The following PTPRD variants were observed in gnomAD, a reference collection of about 807,000 sequenced individuals.
The protein encoded by PTPRD is protein tyrosine phosphatase receptor type D.
A neutral mutation model predicts 214.5 loss-of-function variants in PTPRD; 34 were observed. The ratio of observed to expected loss-of-function variants is 0.16; its 90% CI spans 0.12 to 0.21. The LOEUF is 0.21. Ranked by LOEUF, PTPRD falls within the 10% of genes least tolerant of loss-of-function variation. The pLI is 1.00. For synonymous variants in PTPRD, 1,128 were observed against 845.7 expected (o/e 1.33, Z -5.79); for missense variants, 2,545 against 2,398.7 (o/e 1.06, Z -1.27).
intron 7 of PTPRD, among the ~76,000 whole-genome samples, chr9:9,698,767 T>C (rs1239139753): frequency 1.3e-5 from 2 of 152,138 alleles, no homozygotes; most frequent in African/African-American, 4.8e-5. Context: ...TAATGGAGTA[T>C]CCATAAGTCT....
intron 11 of PTPRD, among the ~76,000 whole-genome samples, chr9:8,941,056 G>T (rs1712612894): frequency 6.6e-6 from 1 of 152,056 alleles, no homozygotes; most frequent in Admixed American, 6.5e-5. Flanking sequence ...AGGAACTCCT[G>T]ATAAACCCAT....
chr9:8,654,436 A>G (rs552840650), intron 12 of PTPRD, among the ~76,000 whole-genome samples: 1 of 152,304 alleles, frequency 6.6e-6, no homozygotes, highest in South Asian at 2.1e-4. Context: ...AAGTTTATGG[A>G]GTAAACGACG....
chr9:8,623,808 GGTCT>G lies in PTPRD; in HGVS notation c.352+9505_352+9508del, dbSNP rs145496538. Among the ~76,000 whole-genome samples, 555 of 151,712 alleles carry G rather than the reference GGTCT, an allele frequency of 3.7e-3. 3 individuals are homozygous for G. The highest frequency in any genetic ancestry group is 0.013 in the African/African-American group (534 of 41,408). ...ATAGTGAAGTTAGGATTTGAACTCG[GGTCT>G]GTCTGTTTGCTGAACCTACACCCAT... On this transcript the variant is annotated intron_variant, in intron 14 of 45. Transcript: ENST00000381196.
intron 8 of PTPRD, among the ~76,000 whole-genome samples, chr9:9,566,454 T>A (rs2084566789): frequency 6.6e-6 from 1 of 152,010 alleles, no homozygotes; most frequent in African/African-American, 2.4e-5. Context: ...GCTTTTCGAT[T>A]AAACTTGTGC....
At chr9:10,590,931 C>T in intron 2 of PTPRD, among the ~76,000 whole-genome samples, 1 of 150,834 alleles carries the variant, frequency 6.6e-6, no homozygotes. Context: ...AAATATATTA[C>T]ACTGTATATA....
chr9:8,528,814 A>G (rs772368301), intron 14 of PTPRD, 35 bp from the exon 15 acceptor site: 6 of 1,596,102 alleles, frequency 3.8e-6, no homozygotes, highest in Non-Finnish European at 5.1e-6. Flanking sequence ...CATTCAGTTA[A>G]TAAGTCAGAT....
chr9:8,806,195 G>C (rs2096675704), intron 11 of PTPRD, among the ~76,000 whole-genome samples: 1 of 146,042 alleles, frequency 6.8e-6, no homozygotes. Flanking sequence ...AAAGTGCTGG[G>C]ATTACAGGCA....
chr9:9,986,912 A>G (rs1481896637), intron 4 of PTPRD, among the ~76,000 whole-genome samples: 1 of 149,810 alleles, frequency 6.7e-6, no homozygotes, highest in Non-Finnish European at 1.5e-5. Flanking sequence ...TTTTACTGTA[A>G]TTAAAAGATA....
At chr9:8,323,997 C>T (rs535573432) in intron 44 of PTPRD, among the ~76,000 whole-genome samples, 6 of 152,238 alleles carry the variant, frequency 3.9e-5, no homozygotes, top group Admixed American at 2.0e-4. Flanking sequence ...CCTCACCCTT[C>T]AGAAACCACC....
chr9:8,775,150 A>T (rs1189787627), intron 11 of PTPRD, among the ~76,000 whole-genome samples: 2 of 152,214 alleles, frequency 1.3e-5, no homozygotes, highest in African/African-American at 4.8e-5. Flanking sequence ...TTTAAAATAA[A>T]ATACATCATT....
intron 7 of PTPRD, among the ~76,000 whole-genome samples, chr9:9,706,256 T>G (rs2097603672): frequency 6.6e-6 from 1 of 152,132 alleles, no homozygotes; most frequent in Non-Finnish European, 1.5e-5. Context: ...ATTATGTATT[T>G]TACATTAAAA....
chr9:9,089,838 A>T (rs1409993499), intron 10 of PTPRD, among the ~76,000 whole-genome samples: 1 of 152,198 alleles, frequency 6.6e-6, no homozygotes, highest in Non-Finnish European at 1.5e-5. Flanking sequence ...AGCAGAAGGT[A>T]AAAAAAGTAG....
chr9:9,595,779 T>A (rs575034627), intron 7 of PTPRD, among the ~76,000 whole-genome samples: 2 of 151,678 alleles, frequency 1.3e-5, no homozygotes, highest in African/African-American at 2.4e-5. Context: ...ACAATGGACT[T>A]TGAGGACTCA....
At chr9:8,319,211 G>A (rs1017765349) in intron 45 of PTPRD, among the ~76,000 whole-genome samples, 1 of 152,146 alleles carries the variant, frequency 6.6e-6, no homozygotes, top group East Asian at 1.9e-4. Context: ...GCCTTTTGCA[G>A]AACATAAACT....
intron 9 of PTPRD, among the ~76,000 whole-genome samples, chr9:9,360,526 T>C (rs934923398): frequency 9.3e-5 from 14 of 151,092 alleles, no homozygotes; most frequent in Non-Finnish European, 1.6e-4. Context: ...CATATTTATT[T>C]ACATCTCTGA....
chr9:9,876,804 T>C (rs1327948304), intron 5 of PTPRD, among the ~76,000 whole-genome samples: 1 of 152,196 alleles, frequency 6.6e-6, no homozygotes, highest in African/African-American at 2.4e-5. Flanking sequence ...AAATTCAAAA[T>C]AATGACGGCA....
intron 2 of PTPRD, among the ~76,000 whole-genome samples, chr9:10,447,986 C>T (rs73408163): frequency 0.024 from 3,703 of 151,976 alleles, 167 homozygotes; most frequent in African/African-American, 0.076. Flanking sequence ...CCATTATAAT[C>T]ACTGTGTGTG....
intron 11 of PTPRD, among the ~76,000 whole-genome samples, chr9:8,871,408 T>C (rs2098296780): frequency 1.3e-5 from 2 of 152,160 alleles, no homozygotes; most frequent in African/African-American, 4.8e-5. Context: ...TAAGATTCAA[T>C]GGAGTAAATT....
In PTPRD at chr9:8,314,348, G is replaced by A. The variant is rs1448049245; in HGVS notation, c.*3526C>T. On this transcript the variant is annotated 3_prime_UTR_variant, in exon 46 of 46. Transcript: ENST00000381196. ...AGACTTCTTTCGCCACCAATGTAAC[G>A]AAGTAAGAAAATAAAAAGCACGCCT... The A allele has an allele frequency of 4.4e-6, 1 of 227,632 alleles. No individual in the cohort carries two copies. Among genetic ancestry groups the A allele is most frequent in the African/African-American group, 2.2e-5 (1 of 44,982 alleles). The allele number at this position is 227,632 out of a possible 1,614,324, so 14.1% of individuals were successfully genotyped here.
Sources: allele counts gnomAD v4.1 joint callset (sites outside exome capture counted in the v4.1 genomes callset), GRCh38; gene constraint gnomAD v4.1.1; transcripts MANE v1.5; gene names NCBI Gene and HGNC (gene_info 2026-07-23, HGNC 2026-07-21).